The following C1orf105 variants were observed in gnomAD, a reference collection of about 807,000 sequenced individuals.
The protein encoded by C1orf105 is uncharacterized protein C1orf105.
In C1orf105, 17 loss-of-function variants were observed where a neutral mutation model predicts 20.8. That is an observed-to-expected ratio of 0.82 (90% CI 0.56 to 1.23). The LOEUF (loss-of-function observed/expected upper bound fraction) is 1.23, where lower values mean the gene tolerates loss of function less well. Among genes scored for constraint, C1orf105 ranks in the 50% most tolerant of loss-of-function variants. C1orf105 has a pLI of 0.00. For synonymous variants in C1orf105, 72 were observed against 72.1 expected (o/e 1.00, Z 0.01); for missense variants, 219 against 213.5 (o/e 1.03, Z -0.16).
At chr1:172,460,185 T>A (rs1573891367) in intron 4 of C1orf105, among the ~76,000 whole-genome samples, 1 of 152,300 alleles carries the variant, frequency 6.6e-6, no homozygotes, top group East Asian at 1.9e-4. Flanking sequence ...AGATGGTGAC[T>A]TATGATACAT....
At position 172,448,516 on chromosome 1, in the gene C1orf105, A is replaced by G; in HGVS notation, c.183A>G (p.Pro61=). 1 of 1,610,746 alleles carries G rather than the reference A, an allele frequency of 6.2e-7. No individual in the cohort carries two copies. Among genetic ancestry groups the G allele is most frequent in the Non-Finnish European group, 8.5e-7 (1 of 1,177,118 alleles). ...NMNLPILFQV[P]DVLSKARRNQ... is the part of the protein sequence containing the mutation. ...ATTTGCCAATTTTGTTTCAAGTTCCAGATGTTTTATCTAAGGTACTAAAAA... is the reference window on the plus strand; with the variant it reads ...ATTTGCCAATTTTGTTTCAAGTTCCGGATGTTTTATCTAAGGTACTAAAAA... The change falls in exon 3 of 7, where the codon CCA becomes CCG. Residue 61 remains proline, a synonymous_variant. Coordinates refer to ENST00000367727, the MANE Select transcript of C1orf105 (RefSeq NM_139240.4).
At chr1:172,451,947 A>G (rs1279540325) in intron 3 of C1orf105, among the ~76,000 whole-genome samples, 1 of 132,100 alleles carries the variant, frequency 7.6e-6, no homozygotes, top group African/African-American at 2.9e-5. Context: ...ATCTTGGCTC[A>G]CTGCAACCTC....
At chr1:172,436,540 G>A (rs962667911) in intron 1 of C1orf105, among the ~76,000 whole-genome samples, 1 of 152,030 alleles carries the variant, frequency 6.6e-6, no homozygotes, top group East Asian at 1.9e-4. Flanking sequence ...GCTAGCCATA[G>A]GTAGAAAGCT....
chr1:172,429,932 C>CCATT (rs2071823993), intron 1 of C1orf105, among the ~76,000 whole-genome samples: 1 of 152,154 alleles, frequency 6.6e-6, no homozygotes, highest in Admixed American at 6.5e-5. Context: ...AGCTGCCTCC[C>CCATT]CATTCCTCTG....
intron 1 of C1orf105, chr1:172,442,518 T>C: frequency 6.2e-7 from 1 of 1,614,198 alleles, no homozygotes; most frequent in Non-Finnish European, 8.5e-7. Flanking sequence ...TCCGGAGCTC[T>C]TCCAGGAATC....
At chr1:172,466,734 G>T (rs1300105554) in intron 6 of C1orf105, among the ~76,000 whole-genome samples, 4 of 152,112 alleles carry the variant, frequency 2.6e-5, no homozygotes, top group Admixed American at 2.0e-4. Context: ...ACTTCAATTA[G>T]CAATTTAAGA....
chr1:172,449,105 G>A (rs749388817), intron 3 of C1orf105, among the ~76,000 whole-genome samples: 5 of 152,176 alleles, frequency 3.3e-5, no homozygotes, highest in Non-Finnish European at 7.3e-5. Context: ...TCACAGGGCT[G>A]TCATAGGCAG....
intron 1 of C1orf105, chr1:172,430,275 T>C (rs1433952783): frequency 1.4e-6 from 1 of 701,384 alleles, no homozygotes; most frequent in Non-Finnish European, 2.6e-6. Context: ...TACTACTTTA[T>C]ACCAATTGTT....
chr1:172,441,575 C>A, intron 1 of C1orf105: 1 of 621,938 alleles, frequency 1.6e-6, no homozygotes, highest in Admixed American at 2.9e-5. Flanking sequence ...GCACCCTCAC[C>A]ACCCAAGCCT....
intron 3 of C1orf105, chr1:172,453,245 G>T: frequency 6.5e-7 from 1 of 1,527,222 alleles, no homozygotes. Flanking sequence ...AAAGTGTAAA[G>T]GGACAGGATT....
chr1:172,433,205 C>A (rs1004400024), intron 1 of C1orf105, among the ~76,000 whole-genome samples: 1 of 152,154 alleles, frequency 6.6e-6, no homozygotes, highest in Non-Finnish European at 1.5e-5. Context: ...AGGATATTAT[C>A]CAGCCTAGCA....
At chr1:172,428,906 G>C in intron 1 of C1orf105, 1 of 649,488 alleles carries the variant, frequency 1.5e-6, no homozygotes, top group Non-Finnish European at 2.7e-6. Flanking sequence ...GGTAGAAGGT[G>C]AGTAGAGGGA....
At chr1:172,438,589 CTGA>C (rs1390593083) in intron 1 of C1orf105, among the ~76,000 whole-genome samples, 1 of 152,178 alleles carries the variant, frequency 6.6e-6, no homozygotes, top group Non-Finnish European at 1.5e-5. Flanking sequence ...AAATCTACTT[CTGA>C]TGAAGATGCC....
At chr1:172,427,584 C>A (rs1171402926) in intron 1 of C1orf105, among the ~76,000 whole-genome samples, 1 of 152,180 alleles carries the variant, frequency 6.6e-6, no homozygotes, top group Admixed American at 6.5e-5. Context: ...AGCACTCCAA[C>A]AAAAACCTGC....
Position 172,456,435 on chromosome 1 carries a change from C to T in C1orf105, c.219C>T (p.Asp73=). ...VLSKARRNQC[D]SMLLRNQQLC... is the part of the protein sequence containing the mutation. ...CTCAGGCCAGGAGGAACCAGTGTGA[C>T]TCCATGCTGCTCAGAAACCAACAGC... The change falls in exon 4 of 7, where the codon GAC becomes GAT. Residue 73 remains aspartate, a synonymous_variant. Coordinates refer to ENST00000367727, the MANE Select transcript of C1orf105 (RefSeq NM_139240.4). 2 of 1,613,428 alleles carry T rather than the reference C, an allele frequency of 1.2e-6. No individual in the cohort carries two copies. Among genetic ancestry groups the T allele is most frequent in the East Asian group, 2.2e-5 (1 of 44,886 alleles).
intron 1 of C1orf105, among the ~76,000 whole-genome samples, chr1:172,439,298 A>G (rs2072140784): frequency 6.6e-6 from 1 of 152,220 alleles, no homozygotes; most frequent in South Asian, 2.1e-4. Flanking sequence ...ACAGGATACA[A>G]TAATGCAAAG....
Position 172,453,066 on chromosome 1 carries a change from C to A in C1orf105, c.199-3349C>A, listed in dbSNP as rs7532205. On this transcript the variant is annotated intron_variant, in intron 3 of 6. Transcript: ENST00000367727. Reference sequence around the variant, plus strand: ...CAGGACATGGCGTCTCAAATGTTTGCGTCGCCTTTAAAGTAGCCTGTCACA... The same window carrying A: ...CAGGACATGGCGTCTCAAATGTTTGAGTCGCCTTTAAAGTAGCCTGTCACA... 29,164 of 1,550,492 alleles carry A rather than the reference C, an allele frequency of 0.019. 4,222 individuals are homozygous for A. The African/African-American group carries it at 0.33, about 18-fold the overall frequency.
chr1:172,463,029 G>A (rs1268240802), intron 5 of C1orf105, among the ~76,000 whole-genome samples: 2 of 151,884 alleles, frequency 1.3e-5, no homozygotes, highest in Admixed American at 6.6e-5. Flanking sequence ...TGCCCGCCTC[G>A]GCCTCCCAAA....
chr1:172,462,051 A>T lies in C1orf105; in HGVS notation c.274-127A>T, dbSNP rs141803627. 89 of 696,378 alleles carry T rather than the reference A, an allele frequency of 1.3e-4. 1 individual carries two copies. The East Asian group carries it at 2.3e-3, about 18-fold the overall frequency. The allele number at this position is 696,378 out of a possible 1,614,324, so 43.1% of individuals were successfully genotyped here. A position where few individuals can be genotyped will look rare whatever the true frequency, so the allele number is the denominator to read the frequency against. ...GAAGGGTGAAACCCTCTGGTCATTC[A>T]CATCACAAAAGGATGTATGAAGGAC... On this transcript the variant is annotated intron_variant, in intron 4 of 6. Transcript: ENST00000367727.
Sources: allele counts gnomAD v4.1 joint callset (sites outside exome capture counted in the v4.1 genomes callset), GRCh38; gene constraint gnomAD v4.1.1; transcripts MANE v1.5; gene names NCBI Gene and HGNC (gene_info 2026-07-23, HGNC 2026-07-21).